Variants in PGPEP1L observed in about 807,000 individuals in gnomAD.
PGPEP1L encodes the protein pyroglutamyl-peptidase I like.
Under a neutral mutation model 6.0 loss-of-function variants are expected in PGPEP1L, and 7 were observed. That is an observed-to-expected ratio of 1.17 (90% CI 0.66 to 2.19). The LOEUF is 2.19. PGPEP1L is among the 30% of genes most tolerant of loss of function. The pLI is 0.00. For missense variants in PGPEP1L, 209 were observed against 192.5 expected (o/e 1.09, Z -0.51); for synonymous variants, 103 against 83.9 (o/e 1.23, Z -1.24).
chr15:98,969,555 A>T lies in PGPEP1L; in HGVS notation c.79T>A (p.Phe27Ile), dbSNP rs1478413870. Residue 27 changes from phenylalanine to isoleucine, a missense_variant, in exon 4 of 5, where the codon TTC becomes ATC. Physicochemically the swap from Phe to Ile is conservative, Grantham distance 21. Transcript: ENST00000535714. ...QGYRDADIRSFWPEGGVCLPG... is the reference protein window; with the variant it reads ...QGYRDADIRSIWPEGGVCLPG... ...AGGCACACGCCGCCCTCGGGCCAGA[A>T]GCTGCGGATGTCGGCGTCCCGGTAG... 1.2e-6 allele frequency: 2 copies of T among 1,614,020 alleles called. No individual in the cohort carries two copies. The highest frequency in any genetic ancestry group is 3.3e-5 in the Admixed American group (2 of 60,034).
chr15:98,968,817 G>T (rs936586871), intron 4 of PGPEP1L, 120 bp from the exon 5 acceptor site: 2 of 890,576 alleles, frequency 2.2e-6, no homozygotes, highest in Non-Finnish European at 3.5e-6. Context: ...CCACCCAAGG[G>T]AGACTTGTGT....
rs74886087 is a variant in PGPEP1L, at chr15:99,006,466, G to A, written c.-369-810C>T. 9.4e-3 allele frequency among the ~76,000 whole-genome samples: 1,432 copies of A among 152,334 alleles called. 10 individuals are homozygous for A. The highest frequency in any genetic ancestry group is 0.016 in the Non-Finnish European group (1,095 of 68,036). On this transcript the variant is annotated intron_variant, in intron 1 of 4. Coordinates refer to ENST00000535714, the MANE Select transcript of PGPEP1L (RefSeq NM_001167902.2). ...ATAACTGAAAAAGGCTAACATTTGA[G>A]GCTATTTCCTCTATCGAAAAAGCTG...
At chr15:98,979,953 T>C (rs1232200282) in intron 2 of PGPEP1L, among the ~76,000 whole-genome samples, 2 of 152,170 alleles carry the variant, frequency 1.3e-5, no homozygotes, top group African/African-American at 4.8e-5. Flanking sequence ...AAACACCATA[T>C]GTCCTCACTC....
chr15:98,976,498 C>T (rs1250579483), intron 2 of PGPEP1L, among the ~76,000 whole-genome samples: 2 of 152,172 alleles, frequency 1.3e-5, no homozygotes, highest in Admixed American at 6.5e-5. Flanking sequence ...AATCTGAAGC[C>T]TAACAGTATT....
At chr15:98,987,444 G>A (rs2017763475) in intron 2 of PGPEP1L, among the ~76,000 whole-genome samples, 2 of 152,044 alleles carry the variant, frequency 1.3e-5, no homozygotes, top group Admixed American at 1.3e-4. Flanking sequence ...ACACCACCAA[G>A]CTTCCCAGGA....
At chr15:99,004,695 C>T (rs1224939064) in intron 2 of PGPEP1L, among the ~76,000 whole-genome samples, 1 of 152,076 alleles carries the variant, frequency 6.6e-6, no homozygotes, top group African/African-American at 2.4e-5. Context: ...TCTAGCCTAG[C>T]GACAGAACAA....
At chr15:98,987,188 AAAAAAAAG>A (rs1476606831) in intron 2 of PGPEP1L, among the ~76,000 whole-genome samples, 7 of 150,074 alleles carry the variant, frequency 4.7e-5, no homozygotes, top group African/African-American at 1.5e-4. Context: ...AAAAAAAAAA[AAAAAAAAG>A]AGAGCCAATT....
intron 2 of PGPEP1L, among the ~76,000 whole-genome samples, chr15:98,995,168 T>TA (rs2017870170): frequency 6.6e-6 from 1 of 152,252 alleles, no homozygotes; most frequent in Admixed American, 6.5e-5. Context: ...CTGGAACTCC[T>TA]ACTAAATGTA....
intron 2 of PGPEP1L, chr15:99,001,048 C>T (rs2017960343): frequency 6.7e-6 from 2 of 298,648 alleles, no homozygotes; most frequent in South Asian, 5.2e-5. Flanking sequence ...AGCTGTAACA[C>T]TCACTCCAAA....
intron 2 of PGPEP1L, among the ~76,000 whole-genome samples, chr15:98,982,700 C>CTGTTTTTTTTTTTT (rs2017682754): frequency 1.9e-5 from 1 of 52,458 alleles, no homozygotes; most frequent in Non-Finnish European, 4.2e-5. Context: ...TTATCTGAGG[C>CTGTTTTTTTTTTTT]TTTTTTTTTT....
At chr15:98,975,582 A>G (rs1176834648) in intron 2 of PGPEP1L, among the ~76,000 whole-genome samples, 1 of 152,158 alleles carries the variant, frequency 6.6e-6, no homozygotes, top group African/African-American at 2.4e-5. Flanking sequence ...CTTGTACCCC[A>G]TAAATATGTA....
intron 2 of PGPEP1L, among the ~76,000 whole-genome samples, chr15:98,984,354 T>C (rs2017715688): frequency 6.6e-6 from 1 of 152,076 alleles, no homozygotes; most frequent in African/African-American, 2.4e-5. Context: ...GCTCTTGATA[T>C]TGATAAAATT....
chr15:99,007,039 T>G (rs1269345317), intron 1 of PGPEP1L, among the ~76,000 whole-genome samples: 3 of 152,154 alleles, frequency 2.0e-5, no homozygotes, highest in African/African-American at 7.2e-5. Context: ...CCCTTTTAAT[T>G]GGGATCACCC....
At chr15:98,980,829 G>T (rs1291894126) in intron 2 of PGPEP1L, among the ~76,000 whole-genome samples, 1 of 152,094 alleles carries the variant, frequency 6.6e-6, no homozygotes, top group African/African-American at 2.4e-5. Context: ...CTGTTCAGGA[G>T]GCTGAGCCAG....
At chr15:99,000,021 C>G (rs540022605) in intron 2 of PGPEP1L, among the ~76,000 whole-genome samples, 1 of 152,248 alleles carries the variant, frequency 6.6e-6, no homozygotes, top group Non-Finnish European at 1.5e-5. Context: ...CCAGCGCCAG[C>G]TCTCTCAGCT....
intron 2 of PGPEP1L, among the ~76,000 whole-genome samples, chr15:99,003,518 G>A (rs1476340317): frequency 5.3e-5 from 8 of 152,046 alleles, no homozygotes; most frequent in East Asian, 1.9e-4. Flanking sequence ...TGTGGTTATC[G>A]TTGGTGCCAG....
intron 3 of PGPEP1L, among the ~76,000 whole-genome samples, chr15:98,970,820 C>T (rs1201471413): frequency 1.3e-5 from 2 of 152,188 alleles, no homozygotes; most frequent in African/African-American, 4.8e-5. Context: ...CCTCCTTTCT[C>T]TCCAGATTTT....
intron 2 of PGPEP1L, among the ~76,000 whole-genome samples, chr15:98,993,680 G>A (rs2151763546): frequency 6.6e-6 from 1 of 151,616 alleles, no homozygotes; most frequent in Non-Finnish European, 1.5e-5. Context: ...GTCAGGCGGT[G>A]GGGGGTGGGG....
chr15:99,006,509 C>G (rs1281821634), intron 1 of PGPEP1L, among the ~76,000 whole-genome samples: 1 of 152,232 alleles, frequency 6.6e-6, no homozygotes, highest in African/African-American at 2.4e-5. Flanking sequence ...ATATCTTGAT[C>G]TTTCGGAGAA....
Sources: allele counts gnomAD v4.1 joint callset (sites outside exome capture counted in the v4.1 genomes callset), GRCh38; gene constraint gnomAD v4.1.1; transcripts MANE v1.5; gene names NCBI Gene and HGNC (gene_info 2026-07-23, HGNC 2026-07-21).